Variants in SLC6A6 observed in about 807,000 individuals in gnomAD.
The protein encoded by SLC6A6 is solute carrier family 6 member 6.
Under a neutral mutation model 68.8 loss-of-function variants are expected in SLC6A6, and 16 were observed. That is an observed-to-expected ratio of 0.23 (90% CI 0.16 to 0.35). SLC6A6 has a LOEUF of 0.35. SLC6A6 is among the 10% of genes least tolerant of loss of function. The probability of loss-of-function intolerance (pLI) is 1.00; values close to 1 mark genes in which losing one functional copy is unlikely to be tolerated. For missense variants in SLC6A6, 474 were observed against 802.8 expected (o/e 0.59, Z 4.95); for synonymous variants, 312 against 315.4 (o/e 0.99, Z 0.12).
At chr3:14,408,338 TC>T (rs1194423863) in intron 1 of SLC6A6, among the ~76,000 whole-genome samples, 1 of 148,666 alleles carries the variant, frequency 6.7e-6, no homozygotes, top group Non-Finnish European at 1.5e-5. Flanking sequence ...CATATCTCTT[TC>T]TTTTTTTTTT....
At chr3:14,444,884 A>G (rs3773189) in intron 3 of SLC6A6, 217,782 of 452,606 alleles carry the variant, frequency 0.48, 55,112 homozygotes, top group African/African-American at 0.71. Flanking sequence ...CCCCTGCCCC[A>G]ATGCTTTGCC....
At chr3:14,435,569 G>C (rs1042779944) in intron 2 of SLC6A6, among the ~76,000 whole-genome samples, 1 of 152,194 alleles carries the variant, frequency 6.6e-6, no homozygotes, top group Admixed American at 6.5e-5. Context: ...ACAATGCCTG[G>C]CTTCCTGGAT....
chr3:14,472,343 C>CAGTCGCCCCAG lies in SLC6A6; in HGVS notation c.1209+26_1209+27insAGTCGCCCCAG. ...GTGCGTATAAGGGATGGCCCTGGGG[C>CAGTCGCCCCAG]GACTGCCCCTGTGGGGAACCTGACT... On this transcript the variant is annotated intron_variant, in intron 10 of 14. Transcript: ENST00000622186. The surrounding 1 kb of genome is among the most constrained non-coding windows in gnomAD (Gnocchi z 4.5). The CAGTCGCCCCAG allele has an allele frequency of 2.1e-6, 3 of 1,398,436 alleles. No individual in the cohort carries two copies. The highest frequency in any genetic ancestry group is 3.0e-6 in the Non-Finnish European group (3 of 983,780). 86.6% of individuals were successfully genotyped at this position (1,398,436 alleles called of 1,614,324 possible).
chr3:14,408,270 A>G (rs150694359), intron 1 of SLC6A6, among the ~76,000 whole-genome samples: 10 of 152,334 alleles, frequency 6.6e-5, no homozygotes, highest in African/African-American at 2.4e-4. Context: ...CTTTCGGATC[A>G]TTATAAAAAA....
chr3:14,431,662 C>A (rs1446942222), intron 2 of SLC6A6, among the ~76,000 whole-genome samples: 1 of 152,120 alleles, frequency 6.6e-6, no homozygotes, highest in African/African-American at 2.4e-5. Flanking sequence ...GTAGAGCAGG[C>A]ACCTGTGCTC....
intron 10 of SLC6A6, among the ~76,000 whole-genome samples, chr3:14,473,937 C>T (rs1700812247): frequency 6.6e-6 from 1 of 152,198 alleles, no homozygotes; most frequent in Non-Finnish European, 1.5e-5. Context: ...GAGGTGGTCA[C>T]TCATTAGATT....
chr3:14,477,196 C>T lies in SLC6A6; in HGVS notation c.1210-9C>T. 1 of 1,609,070 alleles carries T rather than the reference C, an allele frequency of 6.2e-7. No individual in the cohort carries two copies. The highest frequency in any genetic ancestry group is 8.5e-7 in the Non-Finnish European group (1 of 1,176,634). On this transcript the variant is annotated splice_polypyrimidine_tract_variant and intron_variant, in intron 10 of 14. Coordinates refer to ENST00000622186, the MANE Select transcript of SLC6A6 (RefSeq NM_003043.6). This position sits in a 1 kb window ranked among gnomAD's most constrained non-coding sequence, Gnocchi z 4.2. ...GCCGCTCACCAGCTCTCTCTCTTCC[C>T]CTCCTCAGTTTGTTGAAGTTGAAGG...
At chr3:14,425,460 A>C (rs563663428) in intron 2 of SLC6A6, among the ~76,000 whole-genome samples, 1 of 151,418 alleles carries the variant, frequency 6.6e-6, no homozygotes, top group East Asian at 2.0e-4. Flanking sequence ...GAACTCGGCC[A>C]TCTGGGGGTC....
At position 14,447,739 on chromosome 3, in the gene SLC6A6, C is replaced by T. The variant is rs748601595; in HGVS notation, c.522C>T (p.Asp174=). ...HSWNTPHCME[D]TMRKNKSVWI... is the part of the protein sequence containing the mutation. ...GGAACACACCTCACTGCATGGAGGA[C>T]ACCATGCGCAAGAACAAGAGTGTCT... The change falls in exon 5 of 15, where the codon GAC becomes GAT. Residue 174 remains aspartate (D), a synonymous_variant. Transcript: ENST00000622186. 5 of 1,614,116 alleles carry T rather than the reference C, an allele frequency of 3.1e-6. No homozygotes were observed. Among genetic ancestry groups the T allele is most frequent in the African/African-American group, 1.3e-5 (1 of 74,952 alleles).
chr3:14,410,915 T>G (rs952780302), intron 1 of SLC6A6: 1 of 151,526 alleles, frequency 6.6e-6, no homozygotes, highest in Non-Finnish European at 1.5e-5. Context: ...AAGGGGGAGG[T>G]CCTAAGGGAC....
chr3:14,427,082 C>T (rs1699616880), intron 2 of SLC6A6, among the ~76,000 whole-genome samples: 1 of 145,240 alleles, frequency 6.9e-6, no homozygotes, highest in Admixed American at 6.6e-5. Flanking sequence ...CTCTGAGGCA[C>T]AGAGACCCTG....
At chr3:14,455,680 G>T (rs1297823978) in intron 5 of SLC6A6, among the ~76,000 whole-genome samples, 4 of 152,226 alleles carry the variant, frequency 2.6e-5, no homozygotes, top group Non-Finnish European at 4.4e-5. Flanking sequence ...TCCTCTCCTG[G>T]TGCTGCCCAT....
chr3:14,464,584 T>G (rs1052148999), intron 6 of SLC6A6, among the ~76,000 whole-genome samples: 5 of 152,170 alleles, frequency 3.3e-5, no homozygotes, highest in African/African-American at 1.2e-4. Flanking sequence ...AGCCCCTTTC[T>G]CATTGTTTCT....
chr3:14,465,205 T>G (rs1574955635), intron 6 of SLC6A6, among the ~76,000 whole-genome samples: 1 of 152,318 alleles, frequency 6.6e-6, no homozygotes, highest in South Asian at 2.1e-4. Context: ...TTGAATAAGA[T>G]GGGAAAATCC....
chr3:14,465,624 A>G (rs1700599286), intron 6 of SLC6A6, among the ~76,000 whole-genome samples: 1 of 152,230 alleles, frequency 6.6e-6, no homozygotes, highest in African/African-American at 2.4e-5. Flanking sequence ...GAGGTTAAGC[A>G]ATGTGCCTAA....
intron 2 of SLC6A6, among the ~76,000 whole-genome samples, chr3:14,441,508 A>G (rs1699986648): frequency 6.6e-6 from 1 of 152,320 alleles, no homozygotes; most frequent in South Asian, 2.1e-4. Flanking sequence ...TGAGCTGCCC[A>G]GAGGCTTCAG....
intron 5 of SLC6A6, 73 bp from the exon 6 acceptor site, chr3:14,457,877 A>T: frequency 6.7e-7 from 1 of 1,501,286 alleles, no homozygotes; most frequent in Admixed American, 1.7e-5. Context: ...CAGCCTGTTA[A>T]TGTCCGAGCC....
intron 2 of SLC6A6, among the ~76,000 whole-genome samples, chr3:14,425,415 T>G (rs1182736974): frequency 2.0e-5 from 3 of 151,634 alleles, no homozygotes; most frequent in African/African-American, 7.3e-5. Flanking sequence ...GGAGGGCCCC[T>G]CCTCTCCACA....
chr3:14,418,622 G>A (rs751151021), intron 2 of SLC6A6, among the ~76,000 whole-genome samples: 8 of 152,202 alleles, frequency 5.3e-5, no homozygotes, highest in Non-Finnish European at 8.8e-5. Flanking sequence ...ATATACTGCC[G>A]AGAGGTTTAC....
Sources: allele counts gnomAD v4.1 joint callset (sites outside exome capture counted in the v4.1 genomes callset), GRCh38; gene constraint gnomAD v4.1.1; non-coding constraint Gnocchi (gnomAD v3.1); transcripts MANE v1.5; gene names NCBI Gene and HGNC (gene_info 2026-07-23, HGNC 2026-07-21).